The following SP140 variants were observed in gnomAD, a reference collection of about 807,000 sequenced individuals.
The protein encoded by SP140 is nuclear body protein SP140.
Under a neutral mutation model 125.0 loss-of-function variants are expected in SP140, and 81 were observed. The ratio of observed to expected loss-of-function variants is 0.65; its 90% CI spans 0.54 to 0.78. The LOEUF is 0.78. SP140 is among the 30% of genes least tolerant of loss of function. The pLI, the probability that SP140 is intolerant of heterozygous loss-of-function variation, is 0.00. For synonymous variants in SP140, 312 were observed against 354.0 expected (o/e 0.88, Z 1.33); for missense variants, 858 against 1,037.0 (o/e 0.83, Z 2.37).
At chr2:230,301,479 C>T (rs915269200) in intron 22 of SP140, among the ~76,000 whole-genome samples, 1 of 152,192 alleles carries the variant, frequency 6.6e-6, no homozygotes, top group Admixed American at 6.5e-5. Context: ...GGGATCCTAT[C>T]TTTAGCCTCC....
chr2:230,292,499 C>T (rs937381760), intron 19 of SP140, 147 bp from the exon 20 acceptor site: 10 of 1,035,336 alleles, frequency 9.7e-6, no homozygotes, highest in Admixed American at 4.4e-5. Context: ...GGATTTGGGG[C>T]CTCTGTAGTC....
chr2:230,195,084 G>T, the SP140 span, among the ~76,000 whole-genome samples: 1 of 151,446 alleles, frequency 6.6e-6, no homozygotes, highest in African/African-American at 2.4e-5. Context: ...TTTGAACTTG[G>T]CCATATTCTT....
At chr2:230,191,510 C>T in the SP140 span, among the ~76,000 whole-genome samples, 6 of 152,136 alleles carry the variant, frequency 3.9e-5, no homozygotes, top group African/African-American at 1.4e-4. Flanking sequence ...AACACCTCTA[C>T]ACAAATGAAC....
At chr2:230,194,563 T>C in the SP140 span, among the ~76,000 whole-genome samples, 4,109 of 152,240 alleles carry the variant, frequency 0.027, 186 homozygotes, top group African/African-American at 0.093. Context: ...AAAATGCAGC[T>C]TTTTTGTTTC....
At position 230,270,473 on chromosome 2, in the gene SP140, T is replaced by A; in HGVS notation, c.1445-113T>A. On this transcript the variant is annotated intron_variant, in intron 14 of 26. Transcript: ENST00000392045. Reference sequence around the variant, plus strand: ...GGTTCCCCTAGAAGAAAGAGAGGAATGATTATCCAAGCATCTGTATAAACT... The same window carrying A: ...GGTTCCCCTAGAAGAAAGAGAGGAAAGATTATCCAAGCATCTGTATAAACT... 7 of 1,093,986 alleles carry A rather than the reference T, an allele frequency of 6.4e-6. No homozygotes were observed. In the South Asian group the frequency reaches 1.0e-4, roughly 16 times the overall value. 67.8% of individuals were successfully genotyped at this position (1,093,986 alleles called of 1,614,324 possible).
chr2:230,296,409 A>G (rs1311430083), intron 21 of SP140, among the ~76,000 whole-genome samples: 1 of 152,198 alleles, frequency 6.6e-6, no homozygotes, highest in Non-Finnish European at 1.5e-5. Flanking sequence ...GGCTACAGAC[A>G]AAAGCTGAGG....
At chr2:230,258,081 T>A (rs1349453595) in intron 12 of SP140, among the ~76,000 whole-genome samples, 3 of 152,144 alleles carry the variant, frequency 2.0e-5, no homozygotes, top group Non-Finnish European at 4.4e-5. Flanking sequence ...TTAATTGGGA[T>A]GATTCTGGTT....
intron 3 of SP140, among the ~76,000 whole-genome samples, chr2:230,240,952 T>A (rs973366478): frequency 6.6e-5 from 10 of 152,158 alleles, no homozygotes; most frequent in Non-Finnish European, 1.0e-4. Flanking sequence ...TTATAGAGTA[T>A]AATACTATTC....
intron 3 of SP140, chr2:230,238,705 G>T: frequency 1.5e-6 from 2 of 1,320,964 alleles, no homozygotes; most frequent in East Asian, 5.0e-5. Context: ...AAAGGAGGAA[G>T]CCTTCTCTGA....
intron 12 of SP140, among the ~76,000 whole-genome samples, chr2:230,259,797 C>A (rs1444066833): frequency 2.8e-4 from 15 of 53,316 alleles, no homozygotes; most frequent in Non-Finnish European, 5.6e-4. Flanking sequence ...TATATATATA[C>A]CACATACATA....
chr2:230,238,400 A>T lies in SP140; in HGVS notation c.406+19A>T, dbSNP rs765225288. The T allele has an allele frequency of 3.8e-6, 6 of 1,591,962 alleles. No individual in the cohort carries two copies. Among genetic ancestry groups the T allele is most frequent in the Non-Finnish European group, 5.1e-6 (6 of 1,172,934 alleles). On this transcript the variant is annotated intron_variant, in intron 3 of 26. Coordinates refer to ENST00000392045, the MANE Select transcript of SP140 (RefSeq NM_007237.5). ...CAGAATGGTAACTATAGCTCTCAAC[A>T]GCTTTGGGGGATTCAAGCCCATTTC...
chr2:230,238,611 C>CA (rs1385532759), intron 3 of SP140: 2 of 792,120 alleles, frequency 2.5e-6, no homozygotes, highest in Non-Finnish European at 4.0e-6. Flanking sequence ...GTTGCTCAGC[C>CA]AGGACTTGAT....
chr2:230,299,341 G>A (rs2058073048), intron 22 of SP140, among the ~76,000 whole-genome samples: 1 of 152,212 alleles, frequency 6.6e-6, no homozygotes, highest in Admixed American at 6.5e-5. Context: ...GATCACAGGA[G>A]AAGGATTTCA....
chr2:230,226,979 A>G (rs1357659712), intron 1 of SP140, among the ~76,000 whole-genome samples: 6 of 152,186 alleles, frequency 3.9e-5, no homozygotes, highest in Non-Finnish European at 8.8e-5. Flanking sequence ...TCTAGAGATG[A>G]TTTAAAATAT....
intron 12 of SP140, among the ~76,000 whole-genome samples, chr2:230,263,430 G>A (rs2052591262): frequency 6.6e-6 from 1 of 152,178 alleles, no homozygotes; most frequent in Admixed American, 6.5e-5. Context: ...TATCTTTTAA[G>A]TGGAGCATTT....
chr2:230,254,844 C>T (rs555445746), intron 11 of SP140, among the ~76,000 whole-genome samples: 59 of 152,312 alleles, frequency 3.9e-4, no homozygotes, highest in African/African-American at 1.4e-3. Context: ...CTAATGGCAT[C>T]AATCATTTCA....
chr2:230,314,246 C>T (rs1374247642), downstream of SP140, among the ~76,000 whole-genome samples: 2 of 152,168 alleles, frequency 1.3e-5, no homozygotes, highest in Non-Finnish European at 2.9e-5. Context: ...GAAGAATGAG[C>T]TACCACCCCC....
Position 230,253,315 on chromosome 2 carries a change from G to T in SP140, c.1058-1G>T. The T allele has an allele frequency of 6.2e-7, 1 of 1,605,996 alleles. No homozygotes were observed. Among genetic ancestry groups the T allele is most frequent in the Non-Finnish European group, 8.5e-7 (1 of 1,172,796 alleles). ...CCAAGTCACCCTCTGTGGTCTGTCA[G>T]TTTCTTGTTTATCTGCAGAGACCTT... On this transcript the variant is annotated splice_acceptor_variant, in intron 10 of 26. Coordinates refer to ENST00000392045, the MANE Select transcript of SP140 (RefSeq NM_007237.5). LOFTEE classifies it high-confidence loss of function.
intron 4 of SP140, among the ~76,000 whole-genome samples, chr2:230,243,333 TGGGAGAGAAAGAGCAGTATCA>T (rs1191972531): frequency 6.6e-6 from 1 of 151,806 alleles, no homozygotes; most frequent in African/African-American, 2.4e-5. Flanking sequence ...AGACCAAGGA[TGGGAGAGAAAGAGCAGTATCA>T]GAGAAAGCAA....
Sources: gnomAD v4.1 joint callset for allele counts (sites outside exome capture counted in the v4.1 genomes callset) on GRCh38, gnomAD v4.1.1 for gene constraint, MANE v1.5 for transcripts, NCBI Gene and HGNC (gene_info 2026-07-23, HGNC 2026-07-21) for gene names.